ZNF556: variants seen among roughly 807,000 people sequenced by gnomAD.
The protein encoded by ZNF556 is zinc finger protein 556.
Under a neutral mutation model 13.6 loss-of-function variants are expected in ZNF556, and 11 were observed. That is an observed-to-expected ratio of 0.81 (90% CI 0.51 to 1.33). ZNF556 has a LOEUF of 1.33. ZNF556 is among the 40% of genes most tolerant of loss of function. The pLI, the probability that ZNF556 is intolerant of heterozygous loss-of-function variation, is 0.00. For synonymous variants in ZNF556, 229 were observed against 207.8 expected, an observed-to-expected ratio of 1.10 and a Z score of -0.88; for missense variants, 633 against 566.2, an observed-to-expected ratio of 1.12 and a Z score of -1.20.
intron 2 of ZNF556, among the ~76,000 whole-genome samples, chr19:2,874,758 A>AAAAGAAAG (rs572407996): frequency 0.023 from 3,037 of 130,578 alleles, 55 homozygotes; most frequent in Non-Finnish European, 0.036. Flanking sequence ...AAAAAAAAAA[A>AAAAGAAAG]AAAGAAAGAA....
chr19:2,867,756 G>T (rs1169335938), intron 1 of ZNF556, among the ~76,000 whole-genome samples: 1 of 150,938 alleles, frequency 6.6e-6, no homozygotes, highest in Non-Finnish European at 1.5e-5. Flanking sequence ...CCAGCGAGGC[G>T]GTGCAACAGC....
At position 2,882,758 on chromosome 19, in the gene ZNF556, G is replaced by T. The variant is rs756473445; in HGVS notation, c.*4429G>T. 6.6e-6 allele frequency: 1 copy of T among 152,130 alleles called. No individual in the cohort carries two copies. The highest frequency in any genetic ancestry group is 1.5e-5 in the Non-Finnish European group (1 of 68,068). The allele number at this position is 152,130 out of a possible 1,614,324, so 9.4% of individuals were successfully genotyped here. A position where few individuals can be genotyped will look rare whatever the true frequency, so the allele number is the denominator to read the frequency against. ...TTTAGTACAGGTGGGGTTTCACCTT[G>T]TTGGCCAGGATGGTCTCGATCTCTT... is the stretch of plus-strand genomic sequence containing the variant. On this transcript the variant is annotated 3_prime_UTR_variant, in exon 4 of 4. Transcript: ENST00000307635.
chr19:2,867,464 G>C (rs750448226), intron 1 of ZNF556, 40 bp downstream of exon 1: 1 of 1,573,616 alleles, frequency 6.4e-7, no homozygotes, highest in Non-Finnish European at 8.6e-7. Flanking sequence ...CCGGAGCCCT[G>C]GGAGGGGAGG....
chr19:2,871,597 A>T (rs1353089762), intron 1 of ZNF556, among the ~76,000 whole-genome samples: 1 of 152,174 alleles, frequency 6.6e-6, no homozygotes, highest in Non-Finnish European at 1.5e-5. Flanking sequence ...GTGGATCACG[A>T]GGCCAGGGGT....
chr19:2,877,189 A>T, intron 3 of ZNF556, 84 bp from the exon 4 acceptor site: 3 of 1,181,776 alleles, frequency 2.5e-6, no homozygotes, highest in African/African-American at 1.6e-5. Context: ...CAGCCTGGGG[A>T]ACAAGAGCAA....
intron 1 of ZNF556, 58 bp from the exon 2 acceptor site, chr19:2,873,438 T>A: frequency 6.3e-7 from 1 of 1,598,598 alleles, no homozygotes. Flanking sequence ...CTGAGTTCAG[T>A]TCCGCAGTGC....
At position 2,878,033 on chromosome 19, in the gene ZNF556, A is replaced by G. The variant is rs1022987803; in HGVS notation, c.1075A>G (p.Thr359Ala). 3.1e-6 allele frequency: 5 copies of G among 1,614,056 alleles called. No individual in the cohort carries two copies. The South Asian group carries it at 3.3e-5, about 11-fold the overall frequency. The change falls in exon 4 of 4, where the codon ACA (threonine) becomes GCA (alanine). Residue 359 changes from threonine to alanine, a missense_variant. Physicochemically the swap from Thr to Ala is moderately conservative, Grantham distance 58. Transcript: ENST00000307635. ...GTCTTCCGCGAGGCCTCGCCCCTCC[A>G]CAGATGTCAAATCACAAACTAGAGA... ...GKSSARPRPS[T>A]DVKSQTREKV...
Position 2,873,546 on chromosome 19 carries a change from G to A in ZNF556, c.54G>A (p.Trp18Ter), listed in dbSNP as rs1422896347. The A allele has an allele frequency of 5.6e-6, 9 of 1,613,988 alleles. No homozygotes were observed. Among genetic ancestry groups the A allele is most frequent in the East Asian group, 4.5e-5 (2 of 44,900 alleles). Residue 18 changes from tryptophan (W) to a stop codon, truncating the protein, a stop_gained, in exon 2 of 4, where the codon TGG becomes TGA. Transcript: ENST00000307635. LOFTEE classifies it high-confidence loss of function. ...DVVVDFTLEE[W>*]ALLNPAQRKL... ...TTGTGGATTTCACGCTGGAGGAGTG[G>A]GCCTTGCTGAATCCTGCTCAGAGAA...
chr19:2,878,806 G>A lies in ZNF556; in HGVS notation c.*477G>A, dbSNP rs2087883584. On this transcript the variant is annotated 3_prime_UTR_variant, in exon 4 of 4. Coordinates refer to ENST00000307635, the MANE Select transcript of ZNF556 (RefSeq NM_024967.3). Reference sequence around the variant, plus strand: ...TTGCAGTTCTCTTGCAGGTAAAGTTGAGGGGAGAATCCTGTAAGTCCTCTC... The same window carrying A: ...TTGCAGTTCTCTTGCAGGTAAAGTTAAGGGGAGAATCCTGTAAGTCCTCTC... 1 of 155,604 alleles carries A rather than the reference G, an allele frequency of 6.4e-6. No homozygotes were observed. The highest frequency in any genetic ancestry group is 6.3e-5 in the Admixed American group (1 of 15,976). 9.6% of individuals were successfully genotyped at this position (155,604 alleles called of 1,614,324 possible).
At chr19:2,876,732 T>C (rs570029970) in intron 3 of ZNF556, among the ~76,000 whole-genome samples, 1 of 151,132 alleles carries the variant, frequency 6.6e-6, no homozygotes, top group Non-Finnish European at 1.5e-5. Flanking sequence ...AAAAAAAAAA[T>C]GATAATTCTG....
Position 2,880,312 on chromosome 19 carries a change from G to C in ZNF556, c.*1983G>C, listed in dbSNP as rs370093553. Reference sequence around the variant, plus strand: ...TTACTGTGTTTGTGTTTTTAAAGAAGTTGGATTCTATACAAATGGATAAAA... The same window carrying C: ...TTACTGTGTTTGTGTTTTTAAAGAACTTGGATTCTATACAAATGGATAAAA... On this transcript the variant is annotated 3_prime_UTR_variant, in exon 4 of 4. Coordinates refer to ENST00000307635, the MANE Select transcript of ZNF556 (RefSeq NM_024967.3). 6.6e-6 allele frequency: 1 copy of C among 152,272 alleles called. No individual in the cohort carries two copies. Among genetic ancestry groups the C allele is most frequent in the East Asian group, 1.9e-4 (1 of 5,184 alleles). 9.4% of individuals were successfully genotyped at this position (152,272 alleles called of 1,614,324 possible). A position where few individuals can be genotyped will look rare whatever the true frequency, so the allele number is the denominator to read the frequency against.
chr19:2,876,020 C>A, intron 2 of ZNF556, 73 bp from the exon 3 acceptor site: 1 of 1,273,922 alleles, frequency 7.8e-7, no homozygotes, highest in South Asian at 1.4e-5. Flanking sequence ...AGTCATGAAA[C>A]AATTAAACAC....
In ZNF556 at chr19:2,879,698, C is replaced by G. The variant is rs1293520772; in HGVS notation, c.*1369C>G. 1 of 152,106 alleles carries G rather than the reference C, an allele frequency of 6.6e-6. No homozygotes were observed. The highest frequency in any genetic ancestry group is 2.4e-5 in the African/African-American group (1 of 41,404). The allele number at this position is 152,106 out of a possible 1,614,324, so 9.4% of individuals were successfully genotyped here. A position where few individuals can be genotyped will look rare whatever the true frequency, so the allele number is the denominator to read the frequency against. ...CAGTATTTCTTGTGCTTCTGTGTTC[C>G]TGCTTCCATGACAGATACAATGGTA... On this transcript the variant is annotated 3_prime_UTR_variant, in exon 4 of 4. Coordinates refer to ENST00000307635, the MANE Select transcript of ZNF556 (RefSeq NM_024967.3).
chr19:2,871,588 T>C (rs1295976793), intron 1 of ZNF556, among the ~76,000 whole-genome samples: 1 of 151,988 alleles, frequency 6.6e-6, no homozygotes, highest in Non-Finnish European at 1.5e-5. Flanking sequence ...CTGAGGTGGG[T>C]GGATCACGAG....
rs368391520 is a variant in ZNF556 at position 2,867,372 on chromosome 19, C to T, written c.-50C>T. The T allele has an allele frequency of 8.7e-5, 137 of 1,567,860 alleles. No individual in the cohort carries two copies. Among genetic ancestry groups the T allele is most frequent in the Non-Finnish European group, 1.1e-4 (129 of 1,156,094 alleles). On this transcript the variant is annotated 5_prime_UTR_variant, in exon 1 of 4. Coordinates refer to ENST00000307635, the MANE Select transcript of ZNF556 (RefSeq NM_024967.3). ...GTGTCCCCGTCGTGCTCACCTGCACCGGCTGCGAGGAGCAGGGAGCTCCTC... is the reference window on the plus strand; with the variant it reads ...GTGTCCCCGTCGTGCTCACCTGCACTGGCTGCGAGGAGCAGGGAGCTCCTC...
At chr19:2,870,639 C>T (rs1350197425) in intron 1 of ZNF556, among the ~76,000 whole-genome samples, 4 of 151,602 alleles carry the variant, frequency 2.6e-5, no homozygotes, top group South Asian at 2.1e-4. Context: ...CCCAGCTACT[C>T]GGGAGGCTGA....
chr19:2,878,432 A>G lies in ZNF556; in HGVS notation c.*103A>G. The G allele has an allele frequency of 8.8e-7, 1 of 1,141,160 alleles. No individual in the cohort carries two copies. Among genetic ancestry groups the G allele is most frequent in the Non-Finnish European group, 1.2e-6 (1 of 804,216 alleles). 70.7% of individuals were successfully genotyped at this position (1,141,160 alleles called of 1,614,324 possible). Reference sequence around the variant, plus strand: ...ACGCCTGTAATCCCAGCACTTTGGGAGGCCGAGGCAGGCGGATCACGAGGT... The same window carrying G: ...ACGCCTGTAATCCCAGCACTTTGGGGGGCCGAGGCAGGCGGATCACGAGGT... On this transcript the variant is annotated 3_prime_UTR_variant, in exon 4 of 4. Coordinates refer to ENST00000307635, the MANE Select transcript of ZNF556 (RefSeq NM_024967.3).
At chr19:2,868,197 AG>A (rs2087773399) in intron 1 of ZNF556, among the ~76,000 whole-genome samples, 2 of 151,890 alleles carry the variant, frequency 1.3e-5, no homozygotes, top group South Asian at 4.1e-4. Context: ...ATGGGATTCC[AG>A]GGCTTAGCCC....
Position 2,876,098 on chromosome 19 carries a change from G to C in ZNF556, c.136G>C (p.Glu46Gln). 2 of 1,599,662 alleles carry C rather than the reference G, an allele frequency of 1.3e-6. No homozygotes were observed. The highest frequency in any genetic ancestry group is 1.7e-6 in the Non-Finnish European group (2 of 1,176,198). Residue 46 changes from glutamate to glutamine, a missense_variant, in exon 3 of 4, where the codon GAG (glutamate) becomes CAG (glutamine). By Grantham distance (29) the Glu-to-Gln change is conservative. Coordinates refer to ENST00000307635, the MANE Select transcript of ZNF556 (RefSeq NM_024967.3). ...TFKHLASVDN[E>Q]AQLKASGSIS... Reference sequence around the variant, plus strand: ...GGTTCACTTTTTTGTTTCAGATAATGAGGCTCAGCTTAAAGCCAGTGGGTC... The same window carrying C: ...GGTTCACTTTTTTGTTTCAGATAATCAGGCTCAGCTTAAAGCCAGTGGGTC...
Sources: allele counts gnomAD v4.1 joint callset (sites outside exome capture counted in the v4.1 genomes callset), GRCh38; gene constraint gnomAD v4.1.1; transcripts MANE v1.5; gene names NCBI Gene and HGNC (gene_info 2026-07-23, HGNC 2026-07-21).